Variants in GALNT18 observed in about 807,000 individuals in gnomAD.
GALNT18 encodes the protein polypeptide N-acetylgalactosaminyltransferase 18.
GALNT18 carries 44 observed loss-of-function variants against 69.5 expected under a neutral mutation model. The observed-to-expected ratio is 0.63, with a 90% CI of 0.50 to 0.81. The LOEUF (loss-of-function observed/expected upper bound fraction) is 0.81, where lower values mean the gene tolerates loss of function less well. GALNT18 is among the 40% of genes least tolerant of loss of function. GALNT18 has a pLI of 0.00. For missense variants in GALNT18, 715 were observed against 810.0 expected (o/e 0.88, Z 1.42); for synonymous variants, 364 against 318.2 (o/e 1.14, Z -1.53).
rs1857972900 is a variant in GALNT18 at position 11,543,494 on chromosome 11, C to G, written c.235+77865G>C. Among the ~76,000 whole-genome samples the G allele has an allele frequency of 6.6e-6, 1 of 152,182 alleles. No homozygotes were observed. Among genetic ancestry groups the G allele is most frequent in the South Asian group, 2.1e-4 (1 of 4,826 alleles). On this transcript the variant is annotated intron_variant, in intron 1 of 10. Transcript: ENST00000227756. This position sits in a 1 kb window ranked among gnomAD's most constrained non-coding sequence, Gnocchi z 5.1. Reference sequence around the variant, plus strand: ...CTGTCCCCACCGTCCCCACCACCCACCAAGAGCCTGGCTTCTGCACAGGAC... The same window carrying G: ...CTGTCCCCACCGTCCCCACCACCCAGCAAGAGCCTGGCTTCTGCACAGGAC...
chr11:11,283,742 G>C (rs528807958), intron 10 of GALNT18, among the ~76,000 whole-genome samples: 1 of 152,210 alleles, frequency 6.6e-6, no homozygotes, highest in African/African-American at 2.4e-5. Flanking sequence ...ACATAATCTG[G>C]AAACACACAA....
Position 11,318,151 on chromosome 11 carries a change from C to A in GALNT18, c.1512+8935G>T, listed in dbSNP as rs955747155. On this transcript the variant is annotated intron_variant, in intron 9 of 10. Transcript: ENST00000227756. This position sits in a 1 kb window ranked among gnomAD's most constrained non-coding sequence, Gnocchi z 5.1. ...ATGAGAGAGGAAGTGATGGGAGACC[C>A]TTTTTGGCCTAGAAAGTGAGAGTCA... is the stretch of plus-strand genomic sequence containing the variant. 6.6e-6 allele frequency among the ~76,000 whole-genome samples: 1 copy of A among 152,162 alleles called. No individual in the cohort carries two copies. The highest frequency in any genetic ancestry group is 2.4e-5 in the African/African-American group (1 of 41,436).
rs141962240 is a variant in GALNT18, at chr11:11,384,614, G to T, written c.596-5350C>A. Among the ~76,000 whole-genome samples the T allele has an allele frequency of 2.7e-4, 41 of 152,250 alleles. 1 individual carries two copies. In the South Asian group the frequency reaches 8.5e-3, roughly 32 times the overall value. On this transcript the variant is annotated intron_variant, in intron 3 of 10. Coordinates refer to ENST00000227756, the MANE Select transcript of GALNT18 (RefSeq NM_198516.3). ...TCAAACCACAGCAGCCCTCATAAAT[G>T]GGATTAGTGCACTTATAAAAGGGGC... is the stretch of plus-strand genomic sequence containing the variant.
At chr11:11,305,189 A>G (rs912426004) in intron 9 of GALNT18, among the ~76,000 whole-genome samples, 1 of 152,048 alleles carries the variant, frequency 6.6e-6, no homozygotes, top group Non-Finnish European at 1.5e-5. Context: ...GGCCTGCAAT[A>G]TCTTGGTAGA....
chr11:11,300,456 A>G (rs1255110463), intron 9 of GALNT18, among the ~76,000 whole-genome samples: 1 of 152,234 alleles, frequency 6.6e-6, no homozygotes, highest in African/African-American at 2.4e-5. Context: ...GGGATGAACC[A>G]GCATCCTTGC....
rs1246183462 is a variant in GALNT18, at chr11:11,302,612, G to A, written c.1513-9419C>T. Among the ~76,000 whole-genome samples, 4 of 152,198 alleles carry A rather than the reference G, an allele frequency of 2.6e-5. No individual in the cohort carries two copies. In the East Asian group the frequency reaches 5.8e-4, roughly 22 times the overall value. The stretch of plus-strand genomic sequence containing the variant: ...CGCTGCCATGGGACAGATCACAGAG[G>A]AGGCACAATCAATAGCAATGGCCAG... On this transcript the variant is annotated intron_variant, in intron 9 of 10. Transcript: ENST00000227756.
At position 11,497,671 on chromosome 11, in the gene GALNT18, C is replaced by T. The variant is rs116849935; in HGVS notation, c.236-48735G>A. 6.6e-6 allele frequency among the ~76,000 whole-genome samples: 1 copy of T among 151,618 alleles called. No individual in the cohort carries two copies. Among genetic ancestry groups the T allele is most frequent in the East Asian group, 1.9e-4 (1 of 5,150 alleles). ...TCTTATCTAACATGGTCAGGAGCAG[C>T]TAATAGGGTAAGCAAAAAGTTTAAA... On this transcript the variant is annotated intron_variant, in intron 1 of 10. Transcript: ENST00000227756. This position sits in a 1 kb window ranked among gnomAD's most constrained non-coding sequence, Gnocchi z 4.2.
At position 11,337,724 on chromosome 11, in the gene GALNT18, C is replaced by A. The variant is rs1007359755; in HGVS notation, c.1278+3095G>T. Among the ~76,000 whole-genome samples, 5 of 151,950 alleles carry A rather than the reference C, an allele frequency of 3.3e-5. No homozygotes were observed. Among genetic ancestry groups the A allele is most frequent in the Admixed American group, 2.6e-4 (4 of 15,238 alleles). On this transcript the variant is annotated intron_variant, in intron 7 of 10. Transcript: ENST00000227756. The surrounding 1 kb of genome is among the most constrained non-coding windows in gnomAD (Gnocchi z 4.9). Reference sequence around the variant, plus strand: ...GAGGTAGAGGGTAGGGAATTCCAAGCAGGATGAACAAGCACCGAGGTGTGA... The same window carrying A: ...GAGGTAGAGGGTAGGGAATTCCAAGAAGGATGAACAAGCACCGAGGTGTGA...
intron 3 of GALNT18, among the ~76,000 whole-genome samples, chr11:11,417,942 A>T (rs1472425800): frequency 6.6e-6 from 1 of 152,256 alleles, no homozygotes; most frequent in East Asian, 1.9e-4. Flanking sequence ...AACACATGAA[A>T]GATGCTTAGC....
chr11:11,352,288 G>C (rs766873321), intron 6 of GALNT18: 8 of 1,614,078 alleles, frequency 5.0e-6, no homozygotes, highest in Admixed American at 1.7e-5. Context: ...CATCGCTTTC[G>C]AGAGTGTCTG....
At chr11:11,343,514 T>A (rs148809616) in intron 6 of GALNT18, among the ~76,000 whole-genome samples, 361 of 152,222 alleles carry the variant, frequency 2.4e-3, no homozygotes, top group Non-Finnish European at 4.4e-3. Context: ...AGTTCCCACA[T>A]CCAGGAATGG....
chr11:11,293,097 G>T lies in GALNT18; in HGVS notation c.1609C>A (p.Arg537=). 1 of 1,379,584 alleles carries T rather than the reference G, an allele frequency of 7.2e-7. No individual in the cohort carries two copies. The allele number at this position is 1,379,584 out of a possible 1,614,324, so 85.5% of individuals were successfully genotyped here. A position where few individuals can be genotyped will look rare whatever the true frequency, so the allele number is the denominator to read the frequency against. ...DNRCLVDVNS[R]PRLIECSYAK... ...TAGCTGCATTCGATGAGCCGGGGCCGGCTGTTGACGTCCACCAGGCATCGG... is the reference window on the plus strand; with the variant it reads ...TAGCTGCATTCGATGAGCCGGGGCCTGCTGTTGACGTCCACCAGGCATCGG... Residue 537 remains arginine, a synonymous_variant, in exon 10 of 11, where the codon CGG becomes AGG. Transcript: ENST00000227756.
chr11:11,574,014 G>A (rs192967262), intron 1 of GALNT18, among the ~76,000 whole-genome samples: 18 of 152,246 alleles, frequency 1.2e-4, no homozygotes, highest in Admixed American at 7.8e-4. Flanking sequence ...TCAAATCTAG[G>A]CCCCTGAGCC....
chr11:11,610,705 AT>A (rs1213209278), intron 1 of GALNT18, among the ~76,000 whole-genome samples: 3 of 152,152 alleles, frequency 2.0e-5, no homozygotes, highest in Non-Finnish European at 4.4e-5. Context: ...ACCTTCCTCC[AT>A]TTACTCTTAG....
intron 9 of GALNT18, among the ~76,000 whole-genome samples, chr11:11,324,446 G>A (rs2722762): frequency 0.91 from 137,867 of 152,304 alleles, 62,494 homozygotes; most frequent in Middle Eastern, 0.98. Flanking sequence ...TAGTATATTT[G>A]TAAAATGGAA....
At chr11:11,423,083 G>A (rs999268978) in intron 3 of GALNT18, among the ~76,000 whole-genome samples, 6 of 152,036 alleles carry the variant, frequency 3.9e-5, no homozygotes, top group Admixed American at 2.0e-4. Flanking sequence ...CGCACACACA[G>A]GTCCGCATCC....
chr11:11,292,202 G>A (rs555173353), intron 10 of GALNT18, among the ~76,000 whole-genome samples: 2 of 152,246 alleles, frequency 1.3e-5, no homozygotes, highest in East Asian at 3.9e-4. Flanking sequence ...CTCACTTCCT[G>A]TTATTAACGC....
At position 11,362,277 on chromosome 11, in the gene GALNT18, T is replaced by C. The variant is rs191761649; in HGVS notation, c.1092+10238A>G. The stretch of plus-strand genomic sequence containing the variant: ...TATAACCTGAGAGTGGGTAAGATTT[T>C]CTATGATTAAAATCTGGAAGCAAGA... On this transcript the variant is annotated intron_variant, in intron 6 of 10. Coordinates refer to ENST00000227756, the MANE Select transcript of GALNT18 (RefSeq NM_198516.3). Among the ~76,000 whole-genome samples, 681 of 152,256 alleles carry C rather than the reference T, an allele frequency of 4.5e-3. 4 individuals are homozygous for C. Among genetic ancestry groups the C allele is most frequent in the African/African-American group, 0.016 (656 of 41,562 alleles).
chr11:11,612,535 C>G (rs2133965522), intron 1 of GALNT18, among the ~76,000 whole-genome samples: 1 of 152,334 alleles, frequency 6.6e-6, no homozygotes, highest in South Asian at 2.1e-4. Flanking sequence ...TTTATTAAGC[C>G]AAGCTTCGAA....
Sources: allele counts gnomAD v4.1 joint callset (sites outside exome capture counted in the v4.1 genomes callset), GRCh38; gene constraint gnomAD v4.1.1; non-coding constraint Gnocchi (gnomAD v3.1); transcripts MANE v1.5; gene names NCBI Gene and HGNC (gene_info 2026-07-23, HGNC 2026-07-21).